C3: variants seen among roughly 807,000 people sequenced by gnomAD.
C3 encodes complement C3.
Under a neutral mutation model 207.9 loss-of-function variants are expected in C3, and 97 were observed. The observed-to-expected ratio is 0.47, with a 90% CI of 0.40 to 0.55. C3 has a LOEUF of 0.55. Among genes scored for constraint, C3 ranks in the 20% least tolerant of loss-of-function variants. C3 has a pLI of 0.00. For missense variants in C3, 1,684 were observed against 2,171.7 expected, an observed-to-expected ratio of 0.78 and a Z score of 4.46; for synonymous variants, 848 against 857.6, an observed-to-expected ratio of 0.99 and a Z score of 0.20.
Position 6,690,699 on chromosome 19 carries a change from T to A in C3, c.3419A>T (p.Asp1140Val), listed in dbSNP as rs1168658909. 2 of 1,614,096 alleles carry A rather than the reference T, an allele frequency of 1.2e-6. No homozygotes were observed. Among genetic ancestry groups the A allele is most frequent in the Non-Finnish European group, 1.7e-6 (2 of 1,180,022 alleles). Residue 1140 changes from aspartate (D) to valine (V), a missense_variant, in exon 27 of 41, where the codon GAC (aspartate) becomes GTC (valine). By Grantham distance (152) the Asp-to-Val change is radical (BLOSUM62 -3). Transcript: ENST00000245907. The part of the protein sequence containing the change: ...IGGLRNNNEK[D>V]MALTAFVLIS... Reference sequence around the variant, plus strand: ...GAGAACAAAGGCCGTGAGGGCCATGTCTTTCTCGTTGTTGTTCCGTAATCC... The same window carrying A: ...GAGAACAAAGGCCGTGAGGGCCATGACTTTCTCGTTGTTGTTCCGTAATCC...
rs1364540976 is a variant in C3, at chr19:6,711,149, C to T, written c.1317G>A (p.Arg439=). 6.2e-7 allele frequency: 1 copy of T among 1,613,864 alleles called. No homozygotes were observed. The highest frequency in any genetic ancestry group is 1.3e-5 in the African/African-American group (1 of 74,894). ...TGCTGTAGGGCAGAGCCTGCATGGTCCTGGTAGCCTGCTCTGCCTCCGAGA... is the reference window on the plus strand; with the variant it reads ...TGCTGTAGGGCAGAGCCTGCATGGTTCTGGTAGCCTGCTCTGCCTCCGAGA... ...QELSEAEQAT[R]TMQALPYSTV... Residue 439 remains arginine, a synonymous_variant, in exon 12 of 41, where the codon AGG becomes AGA. Coordinates refer to ENST00000245907, the MANE Select transcript of C3 (RefSeq NM_000064.4).
rs771087404 is a variant in C3 at position 6,679,136 on chromosome 19, C to T, written c.4619G>A (p.Gly1540Glu). The part of the protein sequence containing the change: ...EERLDKACEP[G>E]VDYVYKTRLV... ...CATCACCCACTCACCATAGTCCACT[C>T]CTGGCTCACAGGCCTTGTCCAGCCG... is the stretch of plus-strand genomic sequence containing the variant. Residue 1540 changes from glycine (G) to glutamate (E), a missense_variant, in exon 38 of 41, where the codon GGA becomes GAA. Transcript: ENST00000245907. The T allele has an allele frequency of 2.5e-6, 4 of 1,613,966 alleles. No individual in the cohort carries two copies. The highest frequency in any genetic ancestry group is 3.4e-6 in the Non-Finnish European group (4 of 1,179,812).
At chr19:6,714,501 C>CTT (rs1967990887) in intron 4 of C3, 55 bp from the exon 5 acceptor site, 2 of 1,253,304 alleles carry the variant, frequency 1.6e-6, no homozygotes, top group Non-Finnish European at 1.2e-6. Flanking sequence ...GGAGGCTGGG[C>CTT]TTAGCCTCTC....
chr19:6,697,692 C>T lies in C3; in HGVS notation c.2543G>A (p.Arg848Gln), dbSNP rs756642830. The change falls in exon 20 of 41, where the codon CGA (arginine) becomes CAA (glutamine). Residue 848 changes from arginine to glutamine, a missense_variant. Physicochemically the swap from Arg to Gln is conservative, Grantham distance 43. Transcript: ENST00000245907. ...CTGCCGGTAATTGTAGAGAACGGCT[C>T]GGATTTCCACCTGCTCGTTTCGAAC... ...SVVRNEQVEI[R>Q]AVLYNYRQNQ... is the part of the protein sequence containing the mutation. 2.5e-6 allele frequency: 4 copies of T among 1,614,066 alleles called. No individual in the cohort carries two copies. Among genetic ancestry groups the T allele is most frequent in the South Asian group, 2.2e-5 (2 of 91,068 alleles).
At position 6,707,781 on chromosome 19, in the gene C3, C is replaced by A; in HGVS notation, c.1975+19G>T. On this transcript the variant is annotated intron_variant, in intron 15 of 40. Transcript: ENST00000245907. ...GAGGTGCTGTCTGTCCCTGCACCGGCCCCTGGTGGCGACCTCACCTGCCCT... is the reference window on the plus strand; with the variant it reads ...GAGGTGCTGTCTGTCCCTGCACCGGACCCTGGTGGCGACCTCACCTGCCCT... The A allele has an allele frequency of 1.2e-6, 2 of 1,612,512 alleles. No individual in the cohort carries two copies. Among genetic ancestry groups the A allele is most frequent in the South Asian group, 1.1e-5 (1 of 91,036 alleles).
intron 17 of C3, among the ~76,000 whole-genome samples, chr19:6,706,165 T>G (rs1393004409): frequency 6.6e-6 from 1 of 152,234 alleles, no homozygotes; most frequent in Non-Finnish European, 1.5e-5. Flanking sequence ...AAGCCAAACT[T>G]GGAACTCACC....
At chr19:6,710,574 GA>G in intron 13 of C3, 64 bp downstream of exon 13, 2 of 154,582 alleles carry the variant, frequency 1.3e-5, no homozygotes, top group South Asian at 6.2e-4. Flanking sequence ...AGGAGACAGG[GA>G]GAGAGAGAGA....
rs538181968 is a variant in C3, at chr19:6,719,476, G to A, written c.75-73C>T. On this transcript the variant is annotated intron_variant, in intron 1 of 40. Coordinates refer to ENST00000245907, the MANE Select transcript of C3 (RefSeq NM_000064.4). This position sits in a 1 kb window ranked among gnomAD's most constrained non-coding sequence, Gnocchi z 5.4. ...GACGCCAGTCCTCACTGGAGTCAGC[G>A]CCTGGCAGGCTGTGTGCCCCAGCCT... 93 of 1,388,384 alleles carry A rather than the reference G, an allele frequency of 6.7e-5. No homozygotes were observed. In the South Asian group the frequency reaches 1.0e-3, roughly 15 times the overall value. The allele number at this position is 1,388,384 out of a possible 1,614,324, so 86.0% of individuals were successfully genotyped here.
intron 27 of C3, among the ~76,000 whole-genome samples, chr19:6,688,404 G>A (rs370313777): frequency 1.6e-3 from 246 of 152,338 alleles, no homozygotes; most frequent in African/African-American, 5.8e-3. Flanking sequence ...AAAGTGCCGG[G>A]ATTACAGGCT....
intron 17 of C3, among the ~76,000 whole-genome samples, chr19:6,706,326 C>T (rs1967773349): frequency 6.6e-6 from 1 of 152,198 alleles, no homozygotes; most frequent in Admixed American, 6.5e-5. Flanking sequence ...AACTGCTCTG[C>T]CTTCAGGCAA....
chr19:6,694,768 A>T, intron 23 of C3, 134 bp from the exon 24 acceptor site: 1 of 753,430 alleles, frequency 1.3e-6, no homozygotes, highest in African/African-American at 1.7e-5. Flanking sequence ...GGAGGATGTG[A>T]CTGCGGGGAG....
intron 19 of C3, among the ~76,000 whole-genome samples, chr19:6,701,880 G>A (rs1190883214): frequency 1.3e-5 from 2 of 152,018 alleles, no homozygotes; most frequent in African/African-American, 2.4e-5. Flanking sequence ...CCAGCCCAGA[G>A]CTGTTTCTTC....
rs970651646 is a variant in C3 at position 6,693,790 on chromosome 19, G to A, written c.3155-303C>T. Among the ~76,000 whole-genome samples, 5 of 152,140 alleles carry A rather than the reference G, an allele frequency of 3.3e-5. No homozygotes were observed. In the East Asian group the frequency reaches 9.6e-4, roughly 29 times the overall value. ...TCTCAGGGAAGAGGCATGGCCTGGAGAGGACGTGGGGCCTCAGATGAGAGT... is the reference window on the plus strand; with the variant it reads ...TCTCAGGGAAGAGGCATGGCCTGGAAAGGACGTGGGGCCTCAGATGAGAGT... On this transcript the variant is annotated intron_variant, in intron 24 of 40. Coordinates refer to ENST00000245907, the MANE Select transcript of C3 (RefSeq NM_000064.4).
At chr19:6,704,046 G>T (rs1967725064) in intron 17 of C3, among the ~76,000 whole-genome samples, 1 of 152,194 alleles carries the variant, frequency 6.6e-6, no homozygotes, top group Non-Finnish European at 1.5e-5. Context: ...GAGAGGCCAA[G>T]GTGGGAGGAT....
chr19:6,697,928 T>A, intron 19 of C3, 134 bp from the exon 20 acceptor site: 1 of 770,994 alleles, frequency 1.3e-6, no homozygotes, highest in South Asian at 1.6e-5. Flanking sequence ...GCCTGTGAAC[T>A]AAACGCTGTC....
intron 27 of C3, among the ~76,000 whole-genome samples, chr19:6,688,545 A>ATTTATTTT: frequency 6.8e-6 from 1 of 146,608 alleles, no homozygotes; most frequent in Non-Finnish European, 1.5e-5. Flanking sequence ...TTTGAAAAGG[A>ATTTATTTT]GTCTTGCTGT....
rs750821412 is a variant in C3, at chr19:6,680,261, G to A, written c.4353C>T (p.Val1451=). 6 of 1,560,752 alleles carry A rather than the reference G, an allele frequency of 3.8e-6. No individual in the cohort carries two copies. The Middle Eastern group carries it at 5.0e-4, about 131-fold the overall frequency. ...RNTLIIYLDK[V]SHSEDDCLAF... Reference sequence around the variant, plus strand: ...CTAGACAGTCATCCTCAGAGTGTGAGACCTGAGGGGGAAGGAGGAGCTTGG... The same window carrying A: ...CTAGACAGTCATCCTCAGAGTGTGAAACCTGAGGGGGAAGGAGGAGCTTGG... Residue 1451 remains valine (V), a splice_region_variant and synonymous_variant, in exon 36 of 41, where the codon GTC becomes GTT. Coordinates refer to ENST00000245907, the MANE Select transcript of C3 (RefSeq NM_000064.4).
rs766510137 is a variant in C3, at chr19:6,680,652, C to T, written c.4351-389G>A. Among the ~76,000 whole-genome samples the T allele has an allele frequency of 2.9e-4, 44 of 152,162 alleles. 1 individual carries two copies. Among genetic ancestry groups the T allele is most frequent in the Non-Finnish European group, 5.3e-4 (36 of 68,034 alleles). Reference sequence around the variant, plus strand: ...GAGCAGAGGGACCCTTCCTTACCCCCCATGCCAACTGGACTTTACATGAGT... The same window carrying T: ...GAGCAGAGGGACCCTTCCTTACCCCTCATGCCAACTGGACTTTACATGAGT... On this transcript the variant is annotated intron_variant, in intron 35 of 40. Coordinates refer to ENST00000245907, the MANE Select transcript of C3 (RefSeq NM_000064.4).
chr19:6,690,970 A>G (rs1354746038), intron 26 of C3, among the ~76,000 whole-genome samples: 1 of 152,052 alleles, frequency 6.6e-6, no homozygotes, highest in Admixed American at 6.6e-5. Context: ...CCATTGTAAA[A>G]CCAGACACAG....
Sources: gnomAD v4.1 joint callset for allele counts (sites outside exome capture counted in the v4.1 genomes callset) on GRCh38, gnomAD v4.1.1 for gene constraint, Gnocchi (gnomAD v3.1) non-coding constraint, MANE v1.5 for transcripts, NCBI Gene and HGNC (gene_info 2026-07-23, HGNC 2026-07-21) for gene names.